DNM3: variants seen among roughly 807,000 people sequenced by gnomAD.
The protein encoded by DNM3 is dynamin-3.
Under a neutral mutation model 101.6 loss-of-function variants are expected in DNM3, and 47 were observed. The ratio of observed to expected loss-of-function variants is 0.46; its 90% CI spans 0.37 to 0.59. The LOEUF (loss-of-function observed/expected upper bound fraction) is 0.59. Among genes scored for constraint, DNM3 ranks in the 20% least tolerant of loss-of-function variants. The pLI is 0.00. For missense variants in DNM3, 849 were observed against 1,085.7 expected (o/e 0.78, Z 3.06); for synonymous variants, 385 against 387.9 (o/e 0.99, Z 0.09).
chr1:171,860,066 T>C (rs2034009860), intron 1 of DNM3, among the ~76,000 whole-genome samples: 1 of 152,122 alleles, frequency 6.6e-6, no homozygotes, highest in South Asian at 2.1e-4. Context: ...GGTAAGTGAC[T>C]GAAGGAAGGA....
intron 12 of DNM3, among the ~76,000 whole-genome samples, chr1:172,084,522 C>A (rs1436517081): frequency 6.6e-6 from 1 of 152,068 alleles, no homozygotes; most frequent in Non-Finnish European, 1.5e-5. Context: ...TTGGAATTGA[C>A]ATGGGGTGAC....
At chr1:172,088,973 C>T (rs184547246) in intron 12 of DNM3, among the ~76,000 whole-genome samples, 8 of 152,224 alleles carry the variant, frequency 5.3e-5, no homozygotes, top group Admixed American at 4.6e-4. Flanking sequence ...CATTATGTCT[C>T]AGCATACACC....
chr1:172,239,913 G>A (rs550654445), intron 14 of DNM3, among the ~76,000 whole-genome samples: 4 of 142,874 alleles, frequency 2.8e-5, no homozygotes, highest in East Asian at 2.1e-4. Context: ...GCCCAGTTTC[G>A]GCATGGAGAT....
At chr1:172,379,266 T>C in intron 18 of DNM3, 84 bp downstream of exon 18, 1 of 1,180,416 alleles carries the variant, frequency 8.5e-7, no homozygotes, top group Non-Finnish European at 1.2e-6. Context: ...CTTCTTTGTG[T>C]ATTTTCTGGA....
intron 1 of DNM3, among the ~76,000 whole-genome samples, chr1:171,858,908 G>A (rs184343182): frequency 3.9e-4 from 60 of 152,222 alleles, no homozygotes; most frequent in Non-Finnish European, 6.5e-4. Context: ...AGTACAAGTT[G>A]TCATCATTCA....
At chr1:172,307,923 T>C (rs959952805) in intron 15 of DNM3, among the ~76,000 whole-genome samples, 6 of 151,914 alleles carry the variant, frequency 3.9e-5, no homozygotes, top group African/African-American at 1.2e-4. Flanking sequence ...CTAATGTAAA[T>C]GATGAGTTAA....
At chr1:171,867,826 A>G (rs1484856331) in intron 1 of DNM3, among the ~76,000 whole-genome samples, 1 of 152,200 alleles carries the variant, frequency 6.6e-6, no homozygotes, top group African/African-American at 2.4e-5. Context: ...TATTTACCAT[A>G]ACCCACCATA....
intron 11 of DNM3, among the ~76,000 whole-genome samples, chr1:172,072,898 C>CA (rs1399096204): frequency 6.6e-6 from 1 of 151,318 alleles, no homozygotes; most frequent in Non-Finnish European, 1.5e-5. Flanking sequence ...AAAACAACAA[C>CA]AAAAAAAAGA....
At chr1:172,204,197 C>G (rs2060250549) in intron 14 of DNM3, among the ~76,000 whole-genome samples, 1 of 152,056 alleles carries the variant, frequency 6.6e-6, no homozygotes, top group Non-Finnish European at 1.5e-5. Flanking sequence ...TATTTTGAAA[C>G]TTAAAACTGG....
chr1:172,116,513 G>GA (rs1359354895), intron 13 of DNM3, among the ~76,000 whole-genome samples: 1 of 152,228 alleles, frequency 6.6e-6, no homozygotes, highest in Non-Finnish European at 1.5e-5. Flanking sequence ...TGGTGTTGGG[G>GA]AGGGGGAACA....
At chr1:172,145,743 G>A (rs2057859451) in intron 14 of DNM3, among the ~76,000 whole-genome samples, 1 of 152,106 alleles carries the variant, frequency 6.6e-6, no homozygotes, top group Non-Finnish European at 1.5e-5. Context: ...ATGCTGTTAG[G>A]TATAGCATTG....
chr1:172,370,380 G>A (rs1195283068), intron 17 of DNM3: 1 of 151,820 alleles, frequency 6.6e-6, no homozygotes, highest in Admixed American at 6.6e-5. Context: ...TTCCCTTTTA[G>A]TACTAAGTTT....
intron 14 of DNM3, among the ~76,000 whole-genome samples, chr1:172,159,444 G>A (rs141135121): frequency 6.6e-6 from 1 of 152,068 alleles, no homozygotes; most frequent in African/African-American, 2.4e-5. Context: ...TTTTCATATG[G>A]ATTGGTCCTC....
At chr1:172,280,109 G>C (rs998495789) in intron 15 of DNM3, among the ~76,000 whole-genome samples, 4 of 152,022 alleles carry the variant, frequency 2.6e-5, no homozygotes, top group Non-Finnish European at 5.9e-5. Flanking sequence ...TGTTGAGCTT[G>C]TTCCTGTCTG....
intron 14 of DNM3, among the ~76,000 whole-genome samples, chr1:172,214,031 G>T (rs950776246): frequency 1.3e-5 from 2 of 152,052 alleles, no homozygotes; most frequent in African/African-American, 4.8e-5. Context: ...CCTTCATACT[G>T]TGTAACTGCC....
In DNM3 at chr1:172,163,742, T is replaced by C. The variant is rs1017343666; in HGVS notation, c.1659+32454T>C. Among the ~76,000 whole-genome samples, 197 of 152,218 alleles carry C rather than the reference T, an allele frequency of 1.3e-3. 2 individuals carry two copies. Among genetic ancestry groups the C allele is most frequent in the Middle Eastern group, 3.4e-3 (1 of 294 alleles). On this transcript the variant is annotated intron_variant, in intron 14 of 20. Transcript: ENST00000627582. ...TAAGTGAGATCATGCACTATTTGTC[T>C]TTCTGTGTCTGGTTTATTTCACTTA...
intron 14 of DNM3, among the ~76,000 whole-genome samples, chr1:172,210,314 CTTTTTTTT>C (rs11330467): frequency 5.9e-5 from 5 of 84,856 alleles, no homozygotes; most frequent in African/African-American, 1.2e-4. Context: ...AGAGAGCGTG[CTTTTTTTT>C]TTTTTTTTTT....
intron 15 of DNM3, among the ~76,000 whole-genome samples, chr1:172,264,911 T>G (rs1185555302): frequency 6.6e-6 from 1 of 152,224 alleles, no homozygotes; most frequent in Non-Finnish European, 1.5e-5. Flanking sequence ...AGATTAACTA[T>G]GGAATAGGAA....
intron 2 of DNM3, among the ~76,000 whole-genome samples, chr1:171,981,726 C>T (rs2125590818): frequency 6.6e-6 from 1 of 152,160 alleles, no homozygotes; most frequent in East Asian, 1.9e-4. Context: ...ACCTTTGCTT[C>T]AATTGTAGGC....
Sources: gnomAD v4.1 joint callset for allele counts (sites outside exome capture counted in the v4.1 genomes callset) on GRCh38, gnomAD v4.1.1 for gene constraint, MANE v1.5 for transcripts, NCBI Gene and HGNC (gene_info 2026-07-23, HGNC 2026-07-21) for gene names.